XPR1: variants seen among roughly 807,000 people sequenced by gnomAD.
XPR1 encodes xenotropic and polytropic retrovirus receptor 1, also known as solute carrier family 53 member 1.
A neutral mutation model predicts 87.5 loss-of-function variants in XPR1; 28 were observed. The ratio of observed to expected loss-of-function variants is 0.32; its 90% CI spans 0.24 to 0.44. The LOEUF is 0.44. Among genes scored for constraint, XPR1 ranks in the 20% least tolerant of loss-of-function variants. The pLI is 1.00. For missense variants in XPR1, 559 were observed against 862.3 expected (o/e 0.65, Z 4.41); for synonymous variants, 300 against 306.1 (o/e 0.98, Z 0.21).
intron 6 of XPR1, among the ~76,000 whole-genome samples, chr1:180,808,724 G>A (rs1650091508): frequency 6.6e-6 from 1 of 152,122 alleles, no homozygotes. Flanking sequence ...TTATGGAAAT[G>A]CCAATTAAAA....
intron 1 of XPR1, among the ~76,000 whole-genome samples, chr1:180,664,619 G>A (rs577405867): frequency 6.6e-6 from 1 of 152,298 alleles, no homozygotes; most frequent in African/African-American, 2.4e-5. Flanking sequence ...GGAGACAGAT[G>A]ACATGAGCAC....
chr1:180,827,903 G>A (rs1650911533), intron 9 of XPR1, among the ~76,000 whole-genome samples: 1 of 150,034 alleles, frequency 6.7e-6, no homozygotes, highest in Admixed American at 6.6e-5. Context: ...TTGAGACAGG[G>A]TCTGGCTCTA....
At chr1:180,761,612 C>G (rs973868478) in intron 2 of XPR1, among the ~76,000 whole-genome samples, 6 of 152,152 alleles carry the variant, frequency 3.9e-5, no homozygotes, top group African/African-American at 7.2e-5. Flanking sequence ...ATTAAAAAGT[C>G]AGGAAACAAC....
At chr1:180,752,894 ATAAT>A (rs1647587361) in intron 2 of XPR1, among the ~76,000 whole-genome samples, 1 of 152,214 alleles carries the variant, frequency 6.6e-6, no homozygotes, top group Non-Finnish European at 1.5e-5. Flanking sequence ...GAATTTAAAA[ATAAT>A]TCTGTAATTT....
At chr1:180,853,571 A>G (rs973390493) in intron 11 of XPR1, among the ~76,000 whole-genome samples, 1 of 150,896 alleles carries the variant, frequency 6.6e-6, no homozygotes, top group Non-Finnish European at 1.5e-5. Flanking sequence ...TTGTATGACT[A>G]GTGATTTTTT....
At chr1:180,646,630 T>C (rs181480875) in intron 1 of XPR1, among the ~76,000 whole-genome samples, 2 of 152,348 alleles carry the variant, frequency 1.3e-5, no homozygotes, top group African/African-American at 4.8e-5. Context: ...AACCCTCTGC[T>C]GTCTCATCAT....
At chr1:180,876,718 G>C (rs1338636298) in intron 13 of XPR1, among the ~76,000 whole-genome samples, 1 of 150,568 alleles carries the variant, frequency 6.6e-6, no homozygotes, top group African/African-American at 2.4e-5. Flanking sequence ...TGTAGAAAAG[G>C]CCATTGATAA....
intron 2 of XPR1, among the ~76,000 whole-genome samples, chr1:180,702,704 T>C (rs1208373534): frequency 1.3e-5 from 2 of 152,132 alleles, no homozygotes; most frequent in African/African-American, 2.4e-5. Flanking sequence ...TCCTGATTTC[T>C]TTATATTGTT....
chr1:180,714,349 TTCTCTCTCTCTCTCTCTCTCTCTCTC>T (rs71121047), intron 2 of XPR1, among the ~76,000 whole-genome samples: 2 of 72,096 alleles, frequency 2.8e-5, no homozygotes, highest in African/African-American at 5.5e-5. Flanking sequence ...TTTTTCCCTG[TTCTCTCTCTCTCTCTCTCTCTCTCTC>T]TCTCTCTCTC....
At chr1:180,707,938 C>T (rs57514172) in intron 2 of XPR1, among the ~76,000 whole-genome samples, 6,540 of 152,124 alleles carry the variant, frequency 0.043, 499 homozygotes, top group African/African-American at 0.15. Flanking sequence ...AGGATGATGG[C>T]AGTAGTATTT....
chr1:180,728,226 G>A (rs576049962), intron 2 of XPR1, among the ~76,000 whole-genome samples: 2 of 148,636 alleles, frequency 1.3e-5, no homozygotes, highest in South Asian at 2.2e-4. Flanking sequence ...AAAAGTCTTG[G>A]AGACAGAAAA....
At chr1:180,834,787 A>T in intron 9 of XPR1, 87 bp from the exon 10 acceptor site, 1 of 1,386,392 alleles carries the variant, frequency 7.2e-7, no homozygotes, top group Non-Finnish European at 9.6e-7. Context: ...CAACTAAAGT[A>T]ATCATGCTGA....
intron 2 of XPR1, among the ~76,000 whole-genome samples, chr1:180,715,829 C>A (rs936511274): frequency 2.6e-5 from 4 of 152,050 alleles, no homozygotes; most frequent in African/African-American, 9.7e-5. Flanking sequence ...TGCGCCCCCA[C>A]ACCCAGCTAA....
chr1:180,809,419 A>G (rs1650127639), intron 6 of XPR1, among the ~76,000 whole-genome samples: 1 of 152,198 alleles, frequency 6.6e-6, no homozygotes, highest in Non-Finnish European at 1.5e-5. Context: ...AGTTTATTGT[A>G]TATCAACTTA....
chr1:180,809,611 G>A (rs898252376), intron 6 of XPR1, among the ~76,000 whole-genome samples: 6 of 152,116 alleles, frequency 3.9e-5, no homozygotes, highest in African/African-American at 1.2e-4. Flanking sequence ...AAAAATTAGG[G>A]TGTTTAAGAA....
intron 2 of XPR1, among the ~76,000 whole-genome samples, chr1:180,699,661 G>T (rs1657292458): frequency 7.9e-6 from 1 of 125,918 alleles, no homozygotes; most frequent in African/African-American, 3.6e-5. Flanking sequence ...TGTGAATAGT[G>T]CCGCAGTAAA....
chr1:180,829,929 T>C (rs1030464481), intron 9 of XPR1, among the ~76,000 whole-genome samples: 15 of 152,218 alleles, frequency 9.9e-5, no homozygotes, highest in African/African-American at 3.6e-4. Context: ...CTTATGGAGA[T>C]TTTCTGAATT....
chr1:180,641,734 C>G (rs1654968040), intron 1 of XPR1, among the ~76,000 whole-genome samples: 1 of 152,154 alleles, frequency 6.6e-6, no homozygotes, highest in Admixed American at 6.5e-5. Context: ...AAGAGACCTT[C>G]TCAACCCCTC....
chr1:180,853,567 G>A (rs1388931167), intron 11 of XPR1, among the ~76,000 whole-genome samples: 1 of 150,646 alleles, frequency 6.6e-6, no homozygotes, highest in Admixed American at 6.6e-5. Flanking sequence ...TTCTTTGTAT[G>A]ACTAGTGATT....
Sources: gnomAD v4.1 joint callset for allele counts (sites outside exome capture counted in the v4.1 genomes callset) on GRCh38, gnomAD v4.1.1 for gene constraint, MANE v1.5 for transcripts, NCBI Gene and HGNC (gene_info 2026-07-23, HGNC 2026-07-21) for gene names.